Variants in L3MBTL2 observed in about 807,000 individuals in gnomAD.
L3MBTL2 encodes L3MBTL histone methyl-lysine binding protein 2, also known as lethal(3)malignant brain tumor-like protein 2.
In L3MBTL2, 49 loss-of-function variants were observed where a neutral mutation model predicts 86.4. That is an observed-to-expected ratio of 0.57 (90% CI 0.45 to 0.72). The LOEUF is 0.72. Among genes scored for constraint, L3MBTL2 ranks in the 30% least tolerant of loss-of-function variants. The pLI, the probability that L3MBTL2 is intolerant of heterozygous loss-of-function variation, is 0.00. For missense variants in L3MBTL2, 755 were observed against 923.7 expected (o/e 0.82, Z 2.37); for synonymous variants, 336 against 350.6 (o/e 0.96, Z 0.47).
At chr22:41,221,805 G>A (rs575171177) in intron 8 of L3MBTL2, among the ~76,000 whole-genome samples, 2 of 152,042 alleles carry the variant, frequency 1.3e-5, no homozygotes, top group South Asian at 2.1e-4. Flanking sequence ...GAGTTTCACC[G>A]TGGTAGCCAG....
chr22:41,222,045 C>G (rs185375109), intron 8 of L3MBTL2, among the ~76,000 whole-genome samples: 4 of 152,012 alleles, frequency 2.6e-5, no homozygotes, highest in Non-Finnish European at 5.9e-5. Flanking sequence ...ATTACAGGTG[C>G]GCACACACCA....
At chr22:41,216,470 A>T (rs2031369086) in intron 4 of L3MBTL2, among the ~76,000 whole-genome samples, 1 of 152,158 alleles carries the variant, frequency 6.6e-6, no homozygotes, top group African/African-American at 2.4e-5. Context: ...TTAAATTATC[A>T]GGACTCCTAC....
intron 3 of L3MBTL2, 76 bp from the exon 4 acceptor site, chr22:41,216,063 C>A: frequency 1.3e-6 from 2 of 1,508,374 alleles, no homozygotes; most frequent in South Asian, 2.5e-5. Context: ...AAGCCCAGGA[C>A]TTCAACTTGG....
Position 41,227,545 on chromosome 22 carries a change from T to C in L3MBTL2, c.1822+222T>C. 6.6e-7 allele frequency: 1 copy of C among 1,513,866 alleles called. No homozygotes were observed. Among genetic ancestry groups the C allele is most frequent in the African/African-American group, 1.4e-5 (1 of 72,406 alleles). The allele number at this position is 1,513,866 out of a possible 1,614,324, so 93.8% of individuals were successfully genotyped here. A position where few individuals can be genotyped will look rare whatever the true frequency, so the allele number is the denominator to read the frequency against. On this transcript the variant is annotated intron_variant, in intron 14 of 16. Transcript: ENST00000216237. The surrounding 1 kb of genome is among the most constrained non-coding windows in gnomAD (Gnocchi z 6.0). Reference sequence around the variant, plus strand: ...GCTCCTTCCTTCATCTTGCCCACTCTGTCATATGTTCGTGCCCTTGTGCAC... The same window carrying C: ...GCTCCTTCCTTCATCTTGCCCACTCCGTCATATGTTCGTGCCCTTGTGCAC...
chr22:41,221,387 C>A, intron 8 of L3MBTL2, 100 bp downstream of exon 8: 1 of 975,014 alleles, frequency 1.0e-6, no homozygotes, highest in South Asian at 1.4e-5. Context: ...GACCCCTTGC[C>A]TGATGATCTT....
chr22:41,225,665 C>A lies in L3MBTL2; in HGVS notation c.1357-129C>A. 1.1e-6 allele frequency: 1 copy of A among 932,864 alleles called. No individual in the cohort carries two copies. The allele number at this position is 932,864 out of a possible 1,614,324, so 57.8% of individuals were successfully genotyped here. On this transcript the variant is annotated intron_variant, in intron 11 of 16. Coordinates refer to ENST00000216237, the MANE Select transcript of L3MBTL2 (RefSeq NM_031488.5). The surrounding 1 kb of genome is among the most constrained non-coding windows in gnomAD (Gnocchi z 4.1). ...TGTGCCCCAGAGAGGCTCAGGTGTC[C>A]TCCAGGAGGGCCATGCCCTAGATCC...
At chr22:41,217,084 C>G (rs1480246061) in intron 4 of L3MBTL2, 39 bp from the exon 5 acceptor site, 2 of 1,566,152 alleles carry the variant, frequency 1.3e-6, no homozygotes, top group South Asian at 1.1e-5. Context: ...GTGGCTGCTG[C>G]GCAGGCTCCT....
At chr22:41,221,051 GTTC>G in intron 7 of L3MBTL2, 145 bp from the exon 8 acceptor site, 1 of 921,954 alleles carries the variant, frequency 1.1e-6, no homozygotes, top group South Asian at 1.7e-5. Context: ...GGAATCTGAT[GTTC>G]TCAGATGAAG....
intron 4 of L3MBTL2, among the ~76,000 whole-genome samples, chr22:41,216,532 T>A (rs930293819): frequency 5.3e-5 from 8 of 152,230 alleles, no homozygotes; most frequent in African/African-American, 1.9e-4. Flanking sequence ...TCTTTGCTTT[T>A]ATCCTTTTGG....
chr22:41,219,149 C>T, intron 5 of L3MBTL2: 1 of 353,320 alleles, frequency 2.8e-6, no homozygotes, highest in Non-Finnish European at 5.5e-6. Context: ...CAGTAAGAAA[C>T]CAGTCCTATA....
chr22:41,218,659 G>C (rs911480347), intron 5 of L3MBTL2: 1 of 152,190 alleles, frequency 6.6e-6, no homozygotes, highest in Admixed American at 6.5e-5. Flanking sequence ...TTTCACTCTT[G>C]TTGCCCAGAG....
At chr22:41,209,639 C>T (rs1321075710) in intron 1 of L3MBTL2, 57 bp from the exon 2 acceptor site, 5 of 1,498,832 alleles carry the variant, frequency 3.3e-6, no homozygotes, top group Non-Finnish European at 4.6e-6. Flanking sequence ...GCTTCTCCCC[C>T]CGTGCACTAA....
intron 2 of L3MBTL2, among the ~76,000 whole-genome samples, chr22:41,213,079 G>A (rs1328948662): frequency 6.6e-6 from 1 of 150,914 alleles, no homozygotes; most frequent in Non-Finnish European, 1.5e-5. Context: ...TTAGCTGGGT[G>A]TGGTGGCAGT....
rs372714796 is a variant in L3MBTL2 at position 41,230,079 on chromosome 22, G to GC, written c.2006-55dup. The GC allele has an allele frequency of 8.6e-5, 46 of 532,726 alleles. 1 individual carries two copies. Among genetic ancestry groups the GC allele is most frequent in the Middle Eastern group, 4.3e-4 (1 of 2,314 alleles). 33.0% of individuals were successfully genotyped at this position (532,726 alleles called of 1,614,324 possible). A position where few individuals can be genotyped will look rare whatever the true frequency, so the allele number is the denominator to read the frequency against. ...GCCAGGTCCCTTTCCCAGCTCCTCC[G>GC]CCCCCACCCCTCCCAGAGTTATTTA... On this transcript the variant is annotated intron_variant, in intron 16 of 16. Coordinates refer to ENST00000216237, the MANE Select transcript of L3MBTL2 (RefSeq NM_031488.5).
chr22:41,230,023 A>C (rs2032475714), intron 16 of L3MBTL2, 116 bp from the exon 17 acceptor site: 1 of 759,310 alleles, frequency 1.3e-6, no homozygotes. Flanking sequence ...CTGGAGGGTG[A>C]AGGTGCATCC....
rs780322228 is a variant in L3MBTL2, at chr22:41,216,174, C to G, written c.432C>G (p.His144Gln). The change falls in exon 4 of 17, where the codon CAC (histidine) becomes CAG (glutamine). Residue 144 changes from histidine (H) to glutamine (Q), a missense_variant. Transcript: ENST00000216237. Reference sequence around the variant, plus strand: ...CGACCAAAAAAGCCAAAGTCCTGCACAAGGCTGCCTGGTCTGCCAAAATTG... The same window carrying G: ...CGACCAAAAAAGCCAAAGTCCTGCAGAAGGCTGCCTGGTCTGCCAAAATTG... ...KPPTKKAKVL[H>Q]KAAWSAKIGA... 1 of 1,614,100 alleles carries G rather than the reference C, an allele frequency of 6.2e-7. No individual in the cohort carries two copies.
intron 1 of L3MBTL2, chr22:41,209,106 C>CTTTT (rs67934576): frequency 1.5e-5 from 2 of 137,918 alleles, no homozygotes; most frequent in Middle Eastern, 4.1e-3. Flanking sequence ...GGATATTTCA[C>CTTTT]TTTTTTTTTT....
Position 41,224,869 on chromosome 22 carries a change from T to C in L3MBTL2, c.1251+68T>C. 6.4e-7 allele frequency: 1 copy of C among 1,562,390 alleles called. No individual in the cohort carries two copies. The highest frequency in any genetic ancestry group is 8.8e-7 in the Non-Finnish European group (1 of 1,133,576). ...CCATTCCGGGCCTGAGGGACCTGGC[T>C]CTTCCCCTGGGACCATCCCTTTCCC... is the stretch of plus-strand genomic sequence containing the variant. On this transcript the variant is annotated intron_variant, in intron 10 of 16. Transcript: ENST00000216237. The surrounding 1 kb of genome is among the most constrained non-coding windows in gnomAD (Gnocchi z 4.9).
At chr22:41,211,509 A>G (rs2030789749) in intron 2 of L3MBTL2, among the ~76,000 whole-genome samples, 11 of 140,026 alleles carry the variant, frequency 7.9e-5, no homozygotes, top group Admixed American at 7.8e-4. Context: ...CCAGCCCCAA[A>G]CTCGTTAGAA....
Sources: allele counts gnomAD v4.1 joint callset (sites outside exome capture counted in the v4.1 genomes callset), GRCh38; gene constraint gnomAD v4.1.1; non-coding constraint Gnocchi (gnomAD v3.1); transcripts MANE v1.5; gene names NCBI Gene and HGNC (gene_info 2026-07-23, HGNC 2026-07-21).